DGKB: variants seen among roughly 807,000 people sequenced by gnomAD.
DGKB encodes 90 kDa diacylglycerol kinase.
In DGKB, 67 loss-of-function variants were observed where a neutral mutation model predicts 114.3. The ratio of observed to expected loss-of-function variants is 0.59; its 90% CI spans 0.48 to 0.72. DGKB has a LOEUF of 0.72. DGKB is among the 30% of genes least tolerant of loss of function. DGKB has a pLI of 0.00. For synonymous variants in DGKB, 398 were observed against 323.1 expected (o/e 1.23, Z -2.49); for missense variants, 907 against 975.2 (o/e 0.93, Z 0.93).
At chr7:14,260,929 G>A (rs540783232) in intron 23 of DGKB, among the ~76,000 whole-genome samples, 6 of 152,176 alleles carry the variant, frequency 3.9e-5, no homozygotes, top group Non-Finnish European at 7.4e-5. Context: ...TACATTTAAC[G>A]AAATCAAAGA....
chr7:14,752,097 G>A (rs1368321007), intron 4 of DGKB, among the ~76,000 whole-genome samples: 1 of 152,064 alleles, frequency 6.6e-6, no homozygotes, highest in African/African-American at 2.4e-5. Flanking sequence ...CCGTTAAGAT[G>A]AATTCGGTTC....
intron 5 of DGKB, among the ~76,000 whole-genome samples, chr7:14,725,833 C>A (rs2128371666): frequency 6.6e-6 from 1 of 152,244 alleles, no homozygotes; most frequent in East Asian, 1.9e-4. Context: ...CAGGGGTGAG[C>A]AACCACGCGC....
chr7:14,902,274 T>A (rs1346906364), intron 1 of DGKB, among the ~76,000 whole-genome samples: 1 of 152,198 alleles, frequency 6.6e-6, no homozygotes, highest in African/African-American at 2.4e-5. Context: ...CAAGCTGCTA[T>A]CTCATTGGTA....
Position 14,917,910 on chromosome 7 carries a change from C to T in DGKB, c.-188+56786G>A, listed in dbSNP as rs571330371. On this transcript the variant is annotated intron_variant, in intron 1 of 4. Transcript: ENST00000437998. The stretch of plus-strand genomic sequence containing the variant: ...GTATAGAAAGAACTATACACCACCA[C>T]CAAGTGCGATTTATTCCAGGAATGC... 5.9e-5 allele frequency among the ~76,000 whole-genome samples: 9 copies of T among 152,164 alleles called. No homozygotes were observed. The East Asian group carries it at 1.7e-3, about 29-fold the overall frequency.
intron 20 of DGKB, among the ~76,000 whole-genome samples, chr7:14,511,617 A>T (rs954389672): frequency 6.6e-6 from 1 of 152,178 alleles, no homozygotes; most frequent in African/African-American, 2.4e-5. Flanking sequence ...AATTCCTTTC[A>T]AGAACATTTC....
intron 4 of DGKB, among the ~76,000 whole-genome samples, chr7:14,745,026 G>T (rs546317973): frequency 4.6e-5 from 7 of 152,060 alleles, no homozygotes; most frequent in Admixed American, 3.9e-4. Context: ...TAACCCAGAG[G>T]TTCCTCTGGG....
chr7:14,789,582 T>C (rs1313924250), intron 2 of DGKB, among the ~76,000 whole-genome samples: 4 of 152,158 alleles, frequency 2.6e-5, no homozygotes, highest in East Asian at 3.9e-4. Flanking sequence ...TCTCTTTTTA[T>C]GAGACAGTCT....
intron 23 of DGKB, chr7:14,191,997 G>T: frequency 1.8e-6 from 1 of 569,414 alleles, no homozygotes; most frequent in Non-Finnish European, 3.1e-6. Flanking sequence ...AAGCTCCTGT[G>T]TTGAGAGCTT....
chr7:14,476,886 C>T (rs1318321839), intron 21 of DGKB, among the ~76,000 whole-genome samples: 2 of 151,636 alleles, frequency 1.3e-5, no homozygotes, highest in African/African-American at 4.8e-5. Flanking sequence ...TCTTGAGTAG[C>T]TTGGGTTACA....
chr7:14,619,367 G>A (rs921695023), intron 15 of DGKB, among the ~76,000 whole-genome samples: 7 of 151,516 alleles, frequency 4.6e-5, no homozygotes, highest in Middle Eastern at 3.4e-3. Flanking sequence ...TAATAAGGTC[G>A]AATATTTCAG....
At chr7:14,761,001 T>C (rs1045400086) in intron 2 of DGKB, among the ~76,000 whole-genome samples, 2 of 152,156 alleles carry the variant, frequency 1.3e-5, no homozygotes, top group African/African-American at 4.8e-5. Flanking sequence ...AACAATGACT[T>C]GGTCTGAGAC....
intron 25 of DGKB, among the ~76,000 whole-genome samples, chr7:14,166,671 A>T (rs1784650174): frequency 6.6e-6 from 1 of 152,210 alleles, no homozygotes; most frequent in African/African-American, 2.4e-5. Context: ...GTTGCTGAAA[A>T]GAAAATAATA....
chr7:14,567,673 C>A (rs1328409052), intron 20 of DGKB, among the ~76,000 whole-genome samples: 2 of 145,794 alleles, frequency 1.4e-5, no homozygotes, highest in Non-Finnish European at 3.0e-5. Flanking sequence ...GTGGTGCGAT[C>A]TCGGCTCACT....
chr7:14,373,063 C>A (rs987425074), intron 21 of DGKB, among the ~76,000 whole-genome samples: 4 of 152,082 alleles, frequency 2.6e-5, no homozygotes, highest in African/African-American at 9.7e-5. Flanking sequence ...TAGTTAATTG[C>A]CCACATGAGA....
intron 2 of DGKB, among the ~76,000 whole-genome samples, chr7:14,838,317 CATT>C (rs538017078): frequency 2.2e-4 from 33 of 152,056 alleles, no homozygotes; most frequent in Non-Finnish European, 4.4e-4. Context: ...ATGAATAAAA[CATT>C]AGCTATCATA....
intron 1 of DGKB, among the ~76,000 whole-genome samples, chr7:14,959,001 C>T (rs1786682824): frequency 6.6e-6 from 1 of 151,990 alleles, no homozygotes; most frequent in Non-Finnish European, 1.5e-5. Flanking sequence ...TCATCTCTGT[C>T]ATTTGGTTGA....
At chr7:14,471,240 TATAC>T (rs1380304595) in intron 21 of DGKB, among the ~76,000 whole-genome samples, 1 of 140,352 alleles carries the variant, frequency 7.1e-6, no homozygotes, top group Non-Finnish European at 1.5e-5. Flanking sequence ...GGAATATATG[TATAC>T]ATACATATAT....
At chr7:14,929,022 TACACACACACACACACAC>T (rs3036022) in intron 1 of DGKB, among the ~76,000 whole-genome samples, 2 of 146,750 alleles carry the variant, frequency 1.4e-5, no homozygotes, top group African/African-American at 5.0e-5. Flanking sequence ...GCATTGTGTA[TACACACACACACACACAC>T]ACACACACAC....
At chr7:14,327,665 T>C (rs556214035) in intron 23 of DGKB, among the ~76,000 whole-genome samples, 1 of 152,240 alleles carries the variant, frequency 6.6e-6, no homozygotes, top group Non-Finnish European at 1.5e-5. Context: ...ACTTTTAGAC[T>C]GAGTAAAAGA....
Sources: gnomAD v4.1 joint callset for allele counts (sites outside exome capture counted in the v4.1 genomes callset) on GRCh38, gnomAD v4.1.1 for gene constraint, MANE v1.5 for transcripts, NCBI Gene and HGNC (gene_info 2026-07-23, HGNC 2026-07-21) for gene names.